CNBD1: variants seen among roughly 807,000 people sequenced by gnomAD.
CNBD1 encodes cyclic nucleotide binding domain containing 1, also known as cyclic nucleotide-binding domain-containing protein 1.
A neutral mutation model predicts 54.4 loss-of-function variants in CNBD1; 71 were observed. The observed-to-expected ratio is 1.30, with a 90% confidence interval of 1.08 to 1.59. The LOEUF is 1.59. Among genes scored for constraint, CNBD1 ranks in the 40% most tolerant of loss-of-function variants. CNBD1 has a pLI of 0.00. For synonymous variants in CNBD1, 182 were observed against 170.7 expected (o/e 1.07, Z -0.51); for missense variants, 659 against 518.0 (o/e 1.27, Z -2.64).
chr8:86,871,193 G>A lies in CNBD1; in HGVS notation c.88+4610G>A, dbSNP rs1352558883. Among the ~76,000 whole-genome samples, 5 of 152,178 alleles carry A rather than the reference G, an allele frequency of 3.3e-5. 1 individual carries two copies. On this transcript the variant is annotated intron_variant, in intron 1 of 10. Transcript: ENST00000518476. ...GGACTTCAGGCAGGAAACAGGAAATGGTGAAGTAAATTGCAGTGCCTTGCA... is the reference window on the plus strand; with the variant it reads ...GGACTTCAGGCAGGAAACAGGAAATAGTGAAGTAAATTGCAGTGCCTTGCA...
intron 8 of CNBD1, among the ~76,000 whole-genome samples, chr8:87,328,043 T>A (rs2130907088): frequency 6.6e-6 from 1 of 152,156 alleles, no homozygotes; most frequent in African/African-American, 2.4e-5. Context: ...TAGGTATATA[T>A]ATACCATGGT....
intron 8 of CNBD1, among the ~76,000 whole-genome samples, chr8:87,327,154 T>G (rs1399076047): frequency 7.1e-6 from 1 of 141,540 alleles, no homozygotes; most frequent in African/African-American, 2.6e-5. Context: ...GGAGGCAGTC[T>G]GCCCGTTCTC....
chr8:87,100,594 G>C (rs1046147292), intron 4 of CNBD1, among the ~76,000 whole-genome samples: 1 of 152,146 alleles, frequency 6.6e-6, no homozygotes, highest in African/African-American at 2.4e-5. Flanking sequence ...TTCTGTCTCA[G>C]CCTTCTGAGT....
chr8:86,875,908 C>T (rs1477571628), intron 1 of CNBD1, among the ~76,000 whole-genome samples: 2 of 152,096 alleles, frequency 1.3e-5, no homozygotes, highest in Non-Finnish European at 2.9e-5. Flanking sequence ...TTGGATAAAT[C>T]TTACTTTGTT....
intron 10 of CNBD1, among the ~76,000 whole-genome samples, chr8:87,375,234 C>A (rs772859336): frequency 8.6e-5 from 13 of 151,474 alleles, no homozygotes; most frequent in Non-Finnish European, 1.6e-4. Flanking sequence ...TCTCTGACAA[C>A]ACTGTTTTTA....
chr8:86,996,568 C>T (rs893996178), intron 4 of CNBD1, among the ~76,000 whole-genome samples: 2 of 152,158 alleles, frequency 1.3e-5, no homozygotes, highest in African/African-American at 2.4e-5. Context: ...TTAAGTTTTA[C>T]ACTTTCTGTT....
chr8:87,322,526 G>C (rs1287585593), intron 8 of CNBD1, among the ~76,000 whole-genome samples: 1 of 120,564 alleles, frequency 8.3e-6, no homozygotes, highest in Non-Finnish European at 1.8e-5. Context: ...TCTCATAGTG[G>C]TTTTGATTTG....
intron 1 of CNBD1, among the ~76,000 whole-genome samples, chr8:86,884,281 C>A (rs568016273): frequency 6.6e-6 from 1 of 152,158 alleles, no homozygotes; most frequent in Non-Finnish European, 1.5e-5. Flanking sequence ...CTTAACCCAC[C>A]CAGTCAATGA....
At chr8:86,891,157 C>T (rs543734925) in intron 2 of CNBD1, among the ~76,000 whole-genome samples, 1 of 151,986 alleles carries the variant, frequency 6.6e-6, no homozygotes, top group African/African-American at 2.4e-5. Context: ...CTCAAAAAAT[C>T]GTTGCTTAGA....
intron 10 of CNBD1, among the ~76,000 whole-genome samples, chr8:87,364,105 CT>C (rs1229981495): frequency 1.3e-5 from 2 of 151,554 alleles, no homozygotes; most frequent in East Asian, 3.9e-4. Context: ...AGGTATTATA[CT>C]GTTTTGTTAA....
At chr8:86,991,175 T>A (rs1808738089) in intron 4 of CNBD1, among the ~76,000 whole-genome samples, 1 of 152,140 alleles carries the variant, frequency 6.6e-6, no homozygotes, top group African/African-American at 2.4e-5. Flanking sequence ...TTTATTTCTT[T>A]ATCTTATGTG....
At chr8:86,967,118 G>A (rs1477418641) in intron 4 of CNBD1, among the ~76,000 whole-genome samples, 6 of 152,196 alleles carry the variant, frequency 3.9e-5, no homozygotes, top group Non-Finnish European at 7.3e-5. Flanking sequence ...CCTCTCACCA[G>A]GAGTGGAGAG....
At chr8:86,900,254 C>T (rs1031621072) in intron 2 of CNBD1, among the ~76,000 whole-genome samples, 1 of 150,152 alleles carries the variant, frequency 6.7e-6, no homozygotes, top group Non-Finnish European at 1.5e-5. Context: ...ACGTTCTACA[C>T]TACAGGAATA....
chr8:87,039,472 A>T (rs1810019041), intron 4 of CNBD1, among the ~76,000 whole-genome samples: 1 of 151,726 alleles, frequency 6.6e-6, no homozygotes, highest in Non-Finnish European at 1.5e-5. Flanking sequence ...GGGGGGTTGG[A>T]TTTACTAGAG....
intron 5 of CNBD1, among the ~76,000 whole-genome samples, chr8:87,209,023 C>G (rs1814035936): frequency 6.6e-6 from 1 of 151,974 alleles, no homozygotes; most frequent in Admixed American, 6.6e-5. Context: ...TAGTGGGCAT[C>G]TTTTCTAGAC....
chr8:87,403,821 G>A (rs1807607083), intron 2 of CNBD1, among the ~76,000 whole-genome samples: 1 of 151,794 alleles, frequency 6.6e-6, no homozygotes, highest in Non-Finnish European at 1.5e-5. Context: ...TTGAGTTTTA[G>A]CAATTCTTTT....
intron 5 of CNBD1, among the ~76,000 whole-genome samples, chr8:87,223,712 G>A (rs1814403884): frequency 6.6e-6 from 1 of 151,988 alleles, no homozygotes; most frequent in Non-Finnish European, 1.5e-5. Flanking sequence ...ACGTGTGCAT[G>A]TGTCTTTATA....
In CNBD1 at chr8:86,887,540, A is replaced by T; in HGVS notation, c.89-2A>T. The T allele has an allele frequency of 6.5e-7, 1 of 1,547,432 alleles. No individual in the cohort carries two copies. Among genetic ancestry groups the T allele is most frequent in the Non-Finnish European group, 8.8e-7 (1 of 1,142,006 alleles). Reference sequence around the variant, plus strand: ...TCAAATTTTTAATTGATTTTTTTTCAGACTTGAAAAAGTCTAAGCACATTA... The same window carrying T: ...TCAAATTTTTAATTGATTTTTTTTCTGACTTGAAAAAGTCTAAGCACATTA... On this transcript the variant is annotated splice_acceptor_variant, in intron 1 of 10. Coordinates refer to ENST00000518476, the MANE Select transcript of CNBD1 (RefSeq NM_173538.3). LOFTEE classifies it high-confidence loss of function.
At chr8:87,310,775 A>C (rs574393388) in intron 8 of CNBD1, among the ~76,000 whole-genome samples, 2 of 152,166 alleles carry the variant, frequency 1.3e-5, no homozygotes, top group Non-Finnish European at 2.9e-5. Context: ...GGAACTGTAC[A>C]AAACAGACAC....
Sources: gnomAD v4.1 joint callset for allele counts (sites outside exome capture counted in the v4.1 genomes callset) on GRCh38, gnomAD v4.1.1 for gene constraint, MANE v1.5 for transcripts, NCBI Gene and HGNC (gene_info 2026-07-23, HGNC 2026-07-21) for gene names.